TLL1: variants seen among roughly 807,000 people sequenced by gnomAD.
The protein encoded by TLL1 is tolloid-like protein 1.
In TLL1, 49 loss-of-function variants were observed where a neutral mutation model predicts 128.2. That is an observed-to-expected ratio of 0.38 (90% CI 0.30 to 0.48). The LOEUF is 0.48. Ranked by LOEUF, TLL1 falls within the 20% of genes least tolerant of loss-of-function variation. TLL1 has a pLI of 0.96. For synonymous variants in TLL1, 454 were observed against 418.8 expected (o/e 1.08, Z -1.03); for missense variants, 1,123 against 1,242.0 (o/e 0.90, Z 1.44).
intron 1 of TLL1, among the ~76,000 whole-genome samples, chr4:165,985,660 C>T (rs1736362433): frequency 6.6e-6 from 1 of 151,938 alleles, no homozygotes; most frequent in Non-Finnish European, 1.5e-5. Flanking sequence ...GTGGAAGTGG[C>T]ATTTTTTAAA....
chr4:166,052,077 G>T (rs1034984453), intron 12 of TLL1, among the ~76,000 whole-genome samples: 3 of 152,002 alleles, frequency 2.0e-5, no homozygotes, highest in African/African-American at 7.2e-5. Flanking sequence ...GAGTTTTATA[G>T]ACCAGGCAAT....
Position 165,967,665 on chromosome 4 carries a change from G to A in TLL1, c.170-21716G>A, listed in dbSNP as rs72972262. Reference sequence around the variant, plus strand: ...TGGCATGCCAGAGGCCAATATGAAAGCTACTAATTAGTTCAGCTCAGAGGT... The same window carrying A: ...TGGCATGCCAGAGGCCAATATGAAAACTACTAATTAGTTCAGCTCAGAGGT... On this transcript the variant is annotated intron_variant, in intron 1 of 20. Transcript: ENST00000061240. Among the ~76,000 whole-genome samples, 1,504 of 152,226 alleles carry A rather than the reference G, an allele frequency of 9.9e-3. 30 individuals carry two copies. Among genetic ancestry groups the A allele is most frequent in the African/African-American group, 0.034 (1,426 of 41,532 alleles).
chr4:166,003,122 A>G (rs566511793), intron 5 of TLL1, among the ~76,000 whole-genome samples: 2 of 152,288 alleles, frequency 1.3e-5, no homozygotes, highest in South Asian at 4.1e-4. Context: ...TTTCTGATGT[A>G]TTTCCGAATG....
chr4:166,070,631 T>C (rs1047420665), intron 16 of TLL1, among the ~76,000 whole-genome samples: 41 of 152,014 alleles, frequency 2.7e-4, no homozygotes, highest in African/African-American at 8.9e-4. Context: ...CTAAAACTCG[T>C]TTTCCGACTC....
At chr4:166,054,398 T>C (rs115757868) in intron 12 of TLL1, among the ~76,000 whole-genome samples, 4,138 of 152,250 alleles carry the variant, frequency 0.027, 183 homozygotes, top group African/African-American at 0.095. Context: ...ATAATGATTT[T>C]ATTGAAAGAC....
intron 9 of TLL1, among the ~76,000 whole-genome samples, chr4:166,037,108 C>G (rs188968578): frequency 5.3e-5 from 8 of 152,074 alleles, no homozygotes; most frequent in Admixed American, 3.3e-4. Flanking sequence ...GAGTTGAAAC[C>G]TTGGTGGTTG....
intron 1 of TLL1, among the ~76,000 whole-genome samples, chr4:165,920,570 T>C (rs548758500): frequency 6.6e-6 from 1 of 152,278 alleles, no homozygotes; most frequent in African/African-American, 2.4e-5. Flanking sequence ...TAGAATTAGG[T>C]TTCTCCTATA....
intron 12 of TLL1, among the ~76,000 whole-genome samples, chr4:166,045,126 A>G (rs1319426569): frequency 6.6e-6 from 1 of 152,172 alleles, no homozygotes; most frequent in Non-Finnish European, 1.5e-5. Flanking sequence ...GGGAAAAGTC[A>G]TGTCATAGAA....
intron 13 of TLL1, among the ~76,000 whole-genome samples, chr4:166,056,114 A>C (rs1739996725): frequency 6.6e-6 from 1 of 152,142 alleles, no homozygotes; most frequent in African/African-American, 2.4e-5. Context: ...AATGAAAGAT[A>C]GAAAAGCTTG....
chr4:166,021,432 CTTTTTTTT>C (rs113942126), intron 8 of TLL1, among the ~76,000 whole-genome samples: 25 of 120,442 alleles, frequency 2.1e-4, no homozygotes, highest in South Asian at 1.6e-3. Flanking sequence ...TTATTTTTGC[CTTTTTTTT>C]TTTTTTTTTT....
intron 5 of TLL1, among the ~76,000 whole-genome samples, chr4:165,995,424 C>T (rs1427655022): frequency 2.0e-5 from 3 of 152,150 alleles, no homozygotes; most frequent in Non-Finnish European, 4.4e-5. Flanking sequence ...ACATTACCAA[C>T]ATCCCACTCA....
chr4:165,881,157 A>G (rs917076497), intron 1 of TLL1, among the ~76,000 whole-genome samples: 4 of 152,224 alleles, frequency 2.6e-5, no homozygotes, highest in East Asian at 1.9e-4. Context: ...AGATCTTTCA[A>G]ATATCCCCGG....
chr4:165,951,489 C>T (rs991751966), intron 1 of TLL1, among the ~76,000 whole-genome samples: 22 of 152,122 alleles, frequency 1.4e-4, no homozygotes, highest in African/African-American at 5.3e-4. Flanking sequence ...TTCATTTAGA[C>T]AGTTAATGCC....
At chr4:166,037,960 A>G (rs181830334) in intron 9 of TLL1, among the ~76,000 whole-genome samples, 13 of 152,292 alleles carry the variant, frequency 8.5e-5, no homozygotes, top group Non-Finnish European at 1.5e-5. Flanking sequence ...ACTTTGGTGT[A>G]CAGTTTCATC....
chr4:166,058,397 C>T (rs1393040793), intron 14 of TLL1, among the ~76,000 whole-genome samples: 5 of 152,130 alleles, frequency 3.3e-5, no homozygotes, highest in African/African-American at 4.8e-5. Flanking sequence ...ATATCTAGCA[C>T]AGTCAGACAT....
At chr4:165,943,187 T>G (rs1168899693) in intron 1 of TLL1, among the ~76,000 whole-genome samples, 3 of 152,082 alleles carry the variant, frequency 2.0e-5, no homozygotes, top group Non-Finnish European at 1.5e-5. Context: ...TAAATGGATT[T>G]TTCTTCCTTG....
chr4:165,907,142 T>A (rs1011393612), intron 1 of TLL1, among the ~76,000 whole-genome samples: 1 of 152,226 alleles, frequency 6.6e-6, no homozygotes, highest in Non-Finnish European at 1.5e-5. Context: ...TACAGTTTTG[T>A]GTTTGTCCTC....
intron 1 of TLL1, among the ~76,000 whole-genome samples, chr4:165,907,627 C>A (rs1732324730): frequency 6.6e-6 from 1 of 151,570 alleles, no homozygotes; most frequent in African/African-American, 2.4e-5. Flanking sequence ...TGGCTCACCG[C>A]AACCTCTGCC....
At chr4:165,916,984 A>G (rs1732809199) in intron 1 of TLL1, among the ~76,000 whole-genome samples, 2 of 152,134 alleles carry the variant, frequency 1.3e-5, no homozygotes, top group Admixed American at 1.3e-4. Context: ...TTCTGGTAAC[A>G]TTGAGGCAAT....
Sources: allele counts gnomAD v4.1 joint callset (sites outside exome capture counted in the v4.1 genomes callset), GRCh38; gene constraint gnomAD v4.1.1; transcripts MANE v1.5; gene names NCBI Gene and HGNC (gene_info 2026-07-23, HGNC 2026-07-21).